Variants in EPM2A observed in about 807,000 individuals in gnomAD.
EPM2A encodes the protein EPM2A glucan phosphatase, laforin.
A neutral mutation model predicts 26.5 loss-of-function variants in EPM2A; 21 were observed. The observed-to-expected ratio is 0.79, with a 90% CI of 0.56 to 1.14. EPM2A has a LOEUF of 1.14. EPM2A is among the 50% of genes most tolerant of loss of function. EPM2A has a pLI of 0.00. For synonymous variants in EPM2A, 217 were observed against 177.6 expected (o/e 1.22, Z -1.76); for missense variants, 458 against 440.8 (o/e 1.04, Z -0.35).
chr6:145,668,020 G>T (rs1468913491), intron 2 of EPM2A, among the ~76,000 whole-genome samples: 12 of 127,886 alleles, frequency 9.4e-5, no homozygotes, highest in East Asian at 2.6e-4. Flanking sequence ...GTGGTGGGGT[G>T]GGGGGAGGGG....
At chr6:145,508,095 G>A (rs1191110863) in intron 2 of EPM2A, among the ~76,000 whole-genome samples, 2 of 152,166 alleles carry the variant, frequency 1.3e-5, no homozygotes, top group Non-Finnish European at 2.9e-5. Flanking sequence ...GCCACATAAG[G>A]CAGCACCAAC....
intron 4 of EPM2A, among the ~76,000 whole-genome samples, chr6:145,385,077 A>C (rs1778241037): frequency 1.4e-5 from 2 of 148,128 alleles, no homozygotes; most frequent in South Asian, 4.5e-4. Context: ...AATAAATAAA[A>C]GTACATTCAG....
chr6:145,510,214 G>A (rs776487707), intron 2 of EPM2A, among the ~76,000 whole-genome samples: 3 of 152,026 alleles, frequency 2.0e-5, no homozygotes, highest in Non-Finnish European at 4.4e-5. Context: ...AATTCTGGAG[G>A]TAAATTCAAC....
intron 3 of EPM2A, chr6:145,634,935 G>A: frequency 3.3e-6 from 1 of 300,326 alleles, no homozygotes; most frequent in South Asian, 4.2e-5. Context: ...ATCCCTATAG[G>A]ACAATGCGCT....
intron 2 of EPM2A, among the ~76,000 whole-genome samples, chr6:145,573,305 G>A (rs1246493309): frequency 6.6e-6 from 1 of 152,200 alleles, no homozygotes; most frequent in Non-Finnish European, 1.5e-5. Context: ...CCAGCTGAAG[G>A]CAAATTGCTT....
At chr6:145,651,821 A>G (rs759829499) in intron 2 of EPM2A, among the ~76,000 whole-genome samples, 2 of 152,178 alleles carry the variant, frequency 1.3e-5, no homozygotes, top group Admixed American at 6.5e-5. Flanking sequence ...AAAATATTTC[A>G]TAGTTTGGGA....
At chr6:145,431,539 G>C (rs1350298805) in intron 4 of EPM2A, among the ~76,000 whole-genome samples, 1 of 152,144 alleles carries the variant, frequency 6.6e-6, no homozygotes, top group African/African-American at 2.4e-5. Flanking sequence ...GGTCTATTAA[G>C]TATGCAATAG....
intron 2 of EPM2A, among the ~76,000 whole-genome samples, chr6:145,509,997 A>G (rs894867222): frequency 6.6e-6 from 1 of 152,180 alleles, no homozygotes; most frequent in East Asian, 1.9e-4. Context: ...AAAGGGCATT[A>G]CATAACAATA....
intron 4 of EPM2A, among the ~76,000 whole-genome samples, chr6:145,475,520 G>C (rs1374370156): frequency 6.6e-6 from 1 of 151,800 alleles, no homozygotes; most frequent in Admixed American, 6.6e-5. Context: ...GTAGATGATG[G>C]GTTGATCGGT....
chr6:145,395,530 A>C (rs1299257062), intron 4 of EPM2A, among the ~76,000 whole-genome samples: 3 of 151,972 alleles, frequency 2.0e-5, no homozygotes, highest in Non-Finnish European at 2.9e-5. Flanking sequence ...AAACAACGAG[A>C]GCCCCTCTCA....
downstream of EPM2A, among the ~76,000 whole-genome samples, chr6:145,622,915 A>T (rs970483070): frequency 6.6e-6 from 1 of 152,232 alleles, no homozygotes; most frequent in Admixed American, 6.5e-5. Context: ...TATTCCACCA[A>T]ATCAGAAGTA....
At chr6:145,595,781 C>T (rs1004434459) in intron 2 of EPM2A, among the ~76,000 whole-genome samples, 4 of 152,054 alleles carry the variant, frequency 2.6e-5, no homozygotes, top group African/African-American at 2.4e-5. Context: ...ATAATAATAA[C>T]ATGCCTTCTT....
At chr6:145,726,093 A>G (rs1378827364) in intron 1 of EPM2A, among the ~76,000 whole-genome samples, 1 of 152,016 alleles carries the variant, frequency 6.6e-6, no homozygotes, top group East Asian at 1.9e-4. Context: ...AAGGAGACAT[A>G]AAAGATGATC....
chr6:145,706,405 C>T (rs372237358), intron 1 of EPM2A, among the ~76,000 whole-genome samples: 5 of 152,134 alleles, frequency 3.3e-5, no homozygotes, highest in Non-Finnish European at 5.9e-5. Flanking sequence ...CATATATAAC[C>T]GAAATATGTA....
chr6:145,479,457 C>T (rs1779586749), intron 4 of EPM2A, among the ~76,000 whole-genome samples: 1 of 151,592 alleles, frequency 6.6e-6, no homozygotes, highest in African/African-American at 2.4e-5. Context: ...ATTCCCATAA[C>T]CTCTTATCTA....
intron 2 of EPM2A, among the ~76,000 whole-genome samples, chr6:145,531,231 C>T (rs1408661915): frequency 1.3e-5 from 2 of 152,122 alleles, no homozygotes; most frequent in East Asian, 3.9e-4. Flanking sequence ...GGGAAGGTAA[C>T]CAGGTTGATT....
chr6:145,518,574 T>C (rs1268539600), intron 2 of EPM2A, among the ~76,000 whole-genome samples: 4 of 133,458 alleles, frequency 3.0e-5, no homozygotes, highest in Admixed American at 8.8e-5. Context: ...AGGGATCAGT[T>C]CCAGATTGTG....
At chr6:145,566,457 G>C (rs1780885236) in intron 2 of EPM2A, among the ~76,000 whole-genome samples, 1 of 152,148 alleles carries the variant, frequency 6.6e-6, no homozygotes, top group South Asian at 2.1e-4. Context: ...ACAGTGTTCG[G>C]GTCTGAGTCT....
chr6:145,517,075 G>T (rs1053643300), intron 2 of EPM2A, among the ~76,000 whole-genome samples: 4 of 152,148 alleles, frequency 2.6e-5, no homozygotes, highest in Non-Finnish European at 4.4e-5. Context: ...AAGATATTAT[G>T]TTAAGTGAAA....
Sources: gnomAD v4.1 joint callset for allele counts (sites outside exome capture counted in the v4.1 genomes callset) on GRCh38, gnomAD v4.1.1 for gene constraint, MANE v1.5 for transcripts, NCBI Gene and HGNC (gene_info 2026-07-23, HGNC 2026-07-21) for gene names.